DOCK6: variants seen among roughly 807,000 people sequenced by gnomAD.
The protein encoded by DOCK6 is dedicator of cytokinesis 6.
A neutral mutation model predicts 230.3 loss-of-function variants in DOCK6; 167 were observed. The ratio of observed to expected loss-of-function variants is 0.73; its 90% CI spans 0.64 to 0.82. The LOEUF (loss-of-function observed/expected upper bound fraction) is 0.82. Among genes scored for constraint, DOCK6 ranks in the 40% least tolerant of loss-of-function variants. The probability of loss-of-function intolerance (pLI) is 0.00; values close to 1 mark genes in which losing one functional copy is unlikely to be tolerated. For missense variants in DOCK6, 2,598 were observed against 2,825.8 expected (o/e 0.92, Z 1.83); for synonymous variants, 1,148 against 1,185.0 (o/e 0.97, Z 0.64).
chr19:11,212,556 TCTTTCTTTC>T (rs2079406513), intron 35 of DOCK6, among the ~76,000 whole-genome samples: 1 of 115,206 alleles, frequency 8.7e-6, no homozygotes, highest in Admixed American at 1.0e-4. Context: ...TTCTTTTCTT[TCTTTCTTTC>T]TTTTTTTTTT....
intron 35 of DOCK6, 37 bp from the exon 36 acceptor site, chr19:11,212,188 C>G: frequency 6.3e-7 from 1 of 1,590,430 alleles, no homozygotes; most frequent in Non-Finnish European, 8.5e-7. Context: ...AGCCGGGAGT[C>G]TCAGACCCCA....
At chr19:11,213,612 CTTTTT>C (rs566375291) in intron 34 of DOCK6, among the ~76,000 whole-genome samples, 1 of 138,992 alleles carries the variant, frequency 7.2e-6, no homozygotes. Flanking sequence ...GAATGAGCTC[CTTTTT>C]TTTTTTTTTT....
chr19:11,236,403 C>A lies in DOCK6; in HGVS notation c.2335G>T (p.Val779Leu). The change falls in exon 20 of 48, where the codon GTG (valine) becomes TTG (leucine). Residue 779 changes from valine to leucine, a missense_variant. Val to Leu is a conservative substitution (Grantham distance 32). Transcript: ENST00000294618. This position sits in a 1 kb window ranked among gnomAD's most constrained non-coding sequence, Gnocchi z 5.2. ...PEPLVAFSHH[V>L]LDKLVRLVIR... is the part of the protein sequence containing the mutation. ...ACCAGACGCACGAGCTTGTCCAGCA[C>A]GTGGTGGGAGAAGGCCACAAGGGGT... The A allele has an allele frequency of 6.3e-7, 1 of 1,587,562 alleles. No individual in the cohort carries two copies. Among genetic ancestry groups the A allele is most frequent in the Non-Finnish European group, 8.6e-7 (1 of 1,167,378 alleles).
intron 6 of DOCK6, among the ~76,000 whole-genome samples, chr19:11,248,494 T>C (rs2080070573): frequency 6.6e-6 from 1 of 151,758 alleles, no homozygotes; most frequent in Non-Finnish European, 1.5e-5. Flanking sequence ...CACTGCAACC[T>C]CTGCCTCCCA....
intron 16 of DOCK6, 39 bp from the exon 17 acceptor site, chr19:11,237,818 G>A: frequency 3.9e-6 from 6 of 1,544,546 alleles, no homozygotes; most frequent in Non-Finnish European, 5.3e-6. Flanking sequence ...GGGGGCTGGG[G>A]TCCCCACTGT....
intron 24 of DOCK6, 121 bp downstream of exon 24, chr19:11,227,216 C>A: frequency 7.3e-7 from 1 of 1,361,262 alleles, no homozygotes; most frequent in Non-Finnish European, 1.0e-6. Context: ...ACGGATCCAC[C>A]CAGCAAAGTG....
chr19:11,233,886 G>A (rs1378814454), intron 21 of DOCK6, among the ~76,000 whole-genome samples: 1 of 151,688 alleles, frequency 6.6e-6, no homozygotes, highest in Non-Finnish European at 1.5e-5. Context: ...CCAAGCTGGA[G>A]TGCAATGGCA....
intron 1 of DOCK6, among the ~76,000 whole-genome samples, chr19:11,257,429 C>T (rs377651086): frequency 2.9e-5 from 4 of 136,558 alleles, no homozygotes; most frequent in African/African-American, 1.1e-4. Context: ...GAGTTTGAGG[C>T]TGCAGTGATG....
In DOCK6 at chr19:11,200,193, G is replaced by T; in HGVS notation, c.6101+115C>A. ...AAACCGGAAACAAAACAAAGTCCAA[G>T]CTACCAGCAAACATGTTGCTGTGTA... is the stretch of plus-strand genomic sequence containing the variant. On this transcript the variant is annotated intron_variant, in intron 47 of 47. Coordinates refer to ENST00000294618, the MANE Select transcript of DOCK6 (RefSeq NM_020812.4). This position sits in a 1 kb window ranked among gnomAD's most constrained non-coding sequence, Gnocchi z 4.3. 4 of 1,093,404 alleles carry T rather than the reference G, an allele frequency of 3.7e-6. No homozygotes were observed. The highest frequency in any genetic ancestry group is 1.6e-5 in the African/African-American group (1 of 60,736). 67.7% of individuals were successfully genotyped at this position (1,093,404 alleles called of 1,614,324 possible). A position where few individuals can be genotyped will look rare whatever the true frequency, so the allele number is the denominator to read the frequency against.
chr19:11,228,599 G>A (rs1323885759), intron 23 of DOCK6, among the ~76,000 whole-genome samples: 4 of 137,650 alleles, frequency 2.9e-5, no homozygotes, highest in South Asian at 2.3e-4. Context: ...TCGCTCTGTC[G>A]CCCAGGCTGG....
In DOCK6 at chr19:11,202,714, G is replaced by C; in HGVS notation, c.5236-5C>G. On this transcript the variant is annotated splice_region_variant and splice_polypyrimidine_tract_variant and intron_variant, in intron 41 of 47. Coordinates refer to ENST00000294618, the MANE Select transcript of DOCK6 (RefSeq NM_020812.4). This position sits in a 1 kb window ranked among gnomAD's most constrained non-coding sequence, Gnocchi z 5.3. ...GAAATACGTCCCGAACACGCGCTGG[G>C]GCTGTGAGAAAGGGTGTGGTTGTCC... 1.9e-6 allele frequency: 3 copies of C among 1,613,620 alleles called. No individual in the cohort carries two copies. The highest frequency in any genetic ancestry group is 2.5e-6 in the Non-Finnish European group (3 of 1,179,900).
chr19:11,222,767 G>T lies in DOCK6; in HGVS notation c.3208C>A (p.Pro1070Thr). 6.3e-7 allele frequency: 1 copy of T among 1,580,384 alleles called. No homozygotes were observed. Among genetic ancestry groups the T allele is most frequent in the Non-Finnish European group, 8.6e-7 (1 of 1,163,584 alleles). ...GTGGTGGAGGACACAGAGGGGGAGG[G>T]CGAGGCTGGAGGTGACAGGGGGCAG... ...PCCPLSPPAS[P>T]SPSVSSTTSQ... Residue 1070 changes from proline to threonine, a missense_variant, in exon 26 of 48, where the codon CCC becomes ACC. By Grantham distance (38) the Pro-to-Thr change is conservative. Transcript: ENST00000294618. The surrounding 1 kb of genome is among the most constrained non-coding windows in gnomAD (Gnocchi z 4.0).
chr19:11,209,655 C>T (rs1600858103), intron 37 of DOCK6, among the ~76,000 whole-genome samples: 1 of 81,546 alleles, frequency 1.2e-5, no homozygotes, highest in African/African-American at 3.7e-5. Flanking sequence ...TATCCCCTCA[C>T]CTGTCCAGCC....
intron 1 of DOCK6, among the ~76,000 whole-genome samples, chr19:11,262,042 G>A (rs2080299057): frequency 6.6e-6 from 1 of 152,174 alleles, no homozygotes. Context: ...GGACAGTGAG[G>A]GGCCGAGAGG....
chr19:11,261,237 A>C (rs1382829407), intron 1 of DOCK6, among the ~76,000 whole-genome samples: 4 of 149,808 alleles, frequency 2.7e-5, no homozygotes, highest in Admixed American at 6.7e-5. Flanking sequence ...CTTTCCCCCC[A>C]CAAACTGGCC....
intron 39 of DOCK6, 112 bp from the exon 40 acceptor site, chr19:11,204,443 T>G (rs2079224077): frequency 6.9e-7 from 1 of 1,443,556 alleles, no homozygotes; most frequent in African/African-American, 1.4e-5. Flanking sequence ...CTCCATCACC[T>G]CCTCCAGGAA....
chr19:11,244,823 G>A (rs1214267946), intron 9 of DOCK6, among the ~76,000 whole-genome samples: 1 of 151,820 alleles, frequency 6.6e-6, no homozygotes, highest in Non-Finnish European at 1.5e-5. Flanking sequence ...CAAACTCCTG[G>A]GCTAAAGCGA....
intron 14 of DOCK6, chr19:11,241,391 G>A: frequency 8.5e-7 from 1 of 1,170,044 alleles, no homozygotes. Flanking sequence ...CAGAGGGTCA[G>A]GGGATGGGAG....
chr19:11,231,861 G>A (rs950162213), intron 22 of DOCK6, among the ~76,000 whole-genome samples: 1 of 152,188 alleles, frequency 6.6e-6, no homozygotes. Context: ...CATCATCAGG[G>A]GTGGATTAAA....
Sources: gnomAD v4.1 joint callset for allele counts (sites outside exome capture counted in the v4.1 genomes callset) on GRCh38, gnomAD v4.1.1 for gene constraint, Gnocchi (gnomAD v3.1) non-coding constraint, MANE v1.5 for transcripts, NCBI Gene and HGNC (gene_info 2026-07-23, HGNC 2026-07-21) for gene names.